ZNF560: variants seen among roughly 807,000 people sequenced by gnomAD.
The protein encoded by ZNF560 is zinc finger protein 560.
Under a neutral mutation model 81.8 loss-of-function variants are expected in ZNF560, and 54 were observed. That is an observed-to-expected ratio of 0.66 (90% CI 0.53 to 0.83). The LOEUF is 0.83. Among genes scored for constraint, ZNF560 ranks in the 40% least tolerant of loss-of-function variants. The pLI is 0.00. For synonymous variants in ZNF560, 321 were observed against 317.9 expected (o/e 1.01, Z -0.10); for missense variants, 940 against 932.4 (o/e 1.01, Z -0.11).
At position 9,468,096 on chromosome 19, in the gene ZNF560, C is replaced by G. The variant is rs773519939; in HGVS notation, c.851G>C (p.Arg284Thr). Residue 284 changes from arginine (R) to threonine (T), a missense_variant, in exon 10 of 10, where the codon AGA (arginine) becomes ACA (threonine). Transcript: ENST00000301480. ...AAAGGATTTATCTTGTGTACACTTT[C>G]TCTGGACCTGAACATTTAAAATCAG... The part of the protein sequence containing the change: ...FRLILNVQVQ[R>T]KCTQDKSFEG... 1.2e-6 allele frequency: 2 copies of G among 1,614,140 alleles called. No homozygotes were observed. The highest frequency in any genetic ancestry group is 3.3e-5 in the Admixed American group (2 of 60,024).
At chr19:9,477,361 C>T (rs1159951942) in intron 2 of ZNF560, among the ~76,000 whole-genome samples, 2 of 152,162 alleles carry the variant, frequency 1.3e-5, no homozygotes, top group African/African-American at 2.4e-5. Flanking sequence ...AAGTTTGTCC[C>T]TAAGTCTAAT....
the ZNF560 span, among the ~76,000 whole-genome samples, chr19:9,450,290 C>CAAA: frequency 1.2e-3 from 181 of 146,772 alleles, no homozygotes; most frequent in African/African-American, 4.2e-3. Context: ...GACTTTGTCT[C>CAAA]AAAAAAAAAA....
the ZNF560 span, among the ~76,000 whole-genome samples, chr19:9,454,037 A>T: frequency 6.6e-6 from 1 of 152,244 alleles, no homozygotes; most frequent in Non-Finnish European, 1.5e-5. Context: ...CACCAGAATA[A>T]GCTCAAGGAA....
intron 2 of ZNF560, among the ~76,000 whole-genome samples, chr19:9,484,843 G>GA (rs920756506): frequency 2.2e-5 from 3 of 139,266 alleles, no homozygotes; most frequent in South Asian, 2.2e-4. Context: ...ATAAAAAAAA[G>GA]AAAAAAAAAG....
At chr19:9,479,629 A>G (rs1324036965) in intron 2 of ZNF560, among the ~76,000 whole-genome samples, 1 of 152,080 alleles carries the variant, frequency 6.6e-6, no homozygotes, top group Admixed American at 6.6e-5. Context: ...CCTGCCATGG[A>G]TTGAAAATAT....
At chr19:9,499,324 C>T (rs940242852), upstream of ZNF560, among the ~76,000 whole-genome samples, 2 of 151,908 alleles carry the variant, frequency 1.3e-5, no homozygotes, top group Admixed American at 1.3e-4. Context: ...ACGGGCGCAC[C>T]GCACCCGGCT....
the ZNF560 span, among the ~76,000 whole-genome samples, chr19:9,504,547 T>C: frequency 1.6e-4 from 25 of 152,372 alleles, no homozygotes; most frequent in Admixed American, 1.5e-3. Flanking sequence ...GTTCTCATGA[T>C]ATCAGATGGA....
intron 9 of ZNF560, 51 bp from the exon 10 acceptor site, chr19:9,468,385 A>C (rs1409572123): frequency 1.5e-6 from 2 of 1,313,618 alleles, no homozygotes; most frequent in African/African-American, 1.5e-5. Flanking sequence ...AGACTTATTA[A>C]TAGATACCAC....
intron 2 of ZNF560, among the ~76,000 whole-genome samples, chr19:9,483,241 C>T (rs1252846350): frequency 1.3e-5 from 2 of 150,686 alleles, no homozygotes; most frequent in Non-Finnish European, 1.5e-5. Context: ...CGGCTGCCCA[C>T]CATCTGAGAT....
chr19:9,474,601 C>T (rs140689875), intron 3 of ZNF560, among the ~76,000 whole-genome samples: 105 of 152,206 alleles, frequency 6.9e-4, no homozygotes, highest in Middle Eastern at 6.8e-3. Context: ...TTATTTCCCT[C>T]TACTAAAAGA....
At chr19:9,453,665 A>T in the ZNF560 span, among the ~76,000 whole-genome samples, 1 of 152,334 alleles carries the variant, frequency 6.6e-6, no homozygotes, top group East Asian at 1.9e-4. Flanking sequence ...TGAAATTGGA[A>T]ACCTTACTAG....
the ZNF560 span, among the ~76,000 whole-genome samples, chr19:9,460,247 A>G: frequency 6.6e-6 from 1 of 152,166 alleles, no homozygotes; most frequent in Non-Finnish European, 1.5e-5. Context: ...CACGAGCAAC[A>G]CTCATCGAAA....
chr19:9,499,921 ATGT>A (rs1429656152), upstream of ZNF560, among the ~76,000 whole-genome samples: 2 of 152,140 alleles, frequency 1.3e-5, no homozygotes, highest in Non-Finnish European at 2.9e-5. Flanking sequence ...TCATCTCTTG[ATGT>A]TGTACTGTGC....
At chr19:9,454,444 ATGGT>A in the ZNF560 span, among the ~76,000 whole-genome samples, 16 of 152,180 alleles carry the variant, frequency 1.1e-4, no homozygotes, top group Non-Finnish European at 4.4e-5. Flanking sequence ...CGCCAGAGCG[ATGGT>A]TGGAGAACAT....
intron 2 of ZNF560, among the ~76,000 whole-genome samples, chr19:9,489,315 C>T (rs563171778): frequency 1.3e-5 from 2 of 152,002 alleles, no homozygotes; most frequent in South Asian, 4.2e-4. Context: ...TCCTCACTTC[C>T]TAGACACTGC....
chr19:9,473,265 C>T lies in ZNF560; in HGVS notation c.158-6G>A, dbSNP rs749594635. On this transcript the variant is annotated splice_region_variant and splice_polypyrimidine_tract_variant and intron_variant, in intron 4 of 9. Transcript: ENST00000301480. The stretch of plus-strand genomic sequence containing the variant: ...GGGTTTAAAGAGCTGAAATCCTTTA[C>T]ATGAAGAAATGATACATTAATGGAA... 1.9e-6 allele frequency: 3 copies of T among 1,602,602 alleles called. No individual in the cohort carries two copies. The highest frequency in any genetic ancestry group is 1.3e-5 in the African/African-American group (1 of 74,326).
downstream of ZNF560, among the ~76,000 whole-genome samples, chr19:9,463,932 C>G (rs1293552360): frequency 2.6e-5 from 4 of 152,190 alleles, no homozygotes; most frequent in Non-Finnish European, 5.9e-5. Flanking sequence ...ATCCGCCTGA[C>G]TTGGCCTCCC....
At chr19:9,472,050 C>T (rs1237444228) in intron 5 of ZNF560, among the ~76,000 whole-genome samples, 3 of 150,648 alleles carry the variant, frequency 2.0e-5, no homozygotes, top group South Asian at 4.2e-4. Context: ...GCATAGGTTG[C>T]GGTGAGCCAA....
chr19:9,468,087 G>C lies in ZNF560; in HGVS notation c.860C>G (p.Thr287Arg), dbSNP rs760516746. ...AGTGCCTTCAAAGGATTTATCTTGT[G>C]TACACTTTCTCTGGACCTGAACATT... is the stretch of plus-strand genomic sequence containing the variant. ...ILNVQVQRKC[T>R]QDKSFEGTDY... Residue 287 changes from threonine to arginine, a missense_variant, in exon 10 of 10, where the codon ACA (threonine) becomes AGA (arginine). Transcript: ENST00000301480. The C allele has an allele frequency of 1.1e-5, 17 of 1,614,160 alleles. 1 individual carries two copies. The highest frequency in any genetic ancestry group is 1.4e-5 in the Non-Finnish European group (17 of 1,180,018).
Sources: gnomAD v4.1 joint callset for allele counts (sites outside exome capture counted in the v4.1 genomes callset) on GRCh38, gnomAD v4.1.1 for gene constraint, MANE v1.5 for transcripts, NCBI Gene and HGNC (gene_info 2026-07-23, HGNC 2026-07-21) for gene names.